Variants in FARS2 observed in about 807,000 individuals in gnomAD.
FARS2 encodes phenylalanine--tRNA ligase, mitochondrial.
FARS2 carries 40 observed loss-of-function variants against 46.4 expected under a neutral mutation model. That is an observed-to-expected ratio of 0.86 (90% CI 0.67 to 1.12). The LOEUF is 1.12. Ranked by LOEUF, FARS2 falls within the 50% of genes most tolerant of loss-of-function variation. FARS2 has a pLI of 0.00. For missense variants in FARS2, 513 were observed against 567.9 expected (o/e 0.90, Z 0.98); for synonymous variants, 234 against 214.9 (o/e 1.09, Z -0.78).
intron 4 of FARS2, among the ~76,000 whole-genome samples, chr6:5,489,632 G>T (rs962654203): frequency 2.6e-5 from 4 of 151,848 alleles, no homozygotes; most frequent in African/African-American, 9.7e-5. Flanking sequence ...TTCTCTCTAC[G>T]CACGACGCCA....
intron 6 of FARS2, among the ~76,000 whole-genome samples, chr6:5,709,158 T>C (rs2150898239): frequency 6.6e-6 from 1 of 152,284 alleles, no homozygotes; most frequent in South Asian, 2.1e-4. Flanking sequence ...CGAAGGGCTT[T>C]GTTGCTTTGG....
chr6:5,505,460 T>C (rs1317378435), intron 4 of FARS2, among the ~76,000 whole-genome samples: 2 of 152,118 alleles, frequency 1.3e-5, no homozygotes, highest in African/African-American at 4.8e-5. Context: ...GAAGAAAGAG[T>C]ACTGTCCACA....
chr6:5,561,784 G>A (rs1006008664), intron 5 of FARS2, among the ~76,000 whole-genome samples: 1 of 151,958 alleles, frequency 6.6e-6, no homozygotes. Flanking sequence ...TAGGTTTCCT[G>A]TTGTATATTG....
intron 2 of FARS2, among the ~76,000 whole-genome samples, chr6:5,402,954 A>G (rs1311448585): frequency 6.6e-6 from 1 of 152,088 alleles, no homozygotes; most frequent in Non-Finnish European, 1.5e-5. Context: ...GCTCTTGCTT[A>G]CTTCAAAGCC....
chr6:5,618,038 G>A (rs372106282), intron 6 of FARS2, among the ~76,000 whole-genome samples: 1 of 152,136 alleles, frequency 6.6e-6, no homozygotes, highest in African/African-American at 2.4e-5. Context: ...GATTTCTCTC[G>A]TAACTACTCA....
At chr6:5,277,809 A>G (rs1345660488) in intron 1 of FARS2, among the ~76,000 whole-genome samples, 2 of 152,144 alleles carry the variant, frequency 1.3e-5, no homozygotes, top group East Asian at 3.8e-4. Context: ...ATTATTCAAA[A>G]ATGTTTTGCA....
At chr6:5,649,767 G>T (rs886185388) in intron 6 of FARS2, among the ~76,000 whole-genome samples, 8 of 152,164 alleles carry the variant, frequency 5.3e-5, no homozygotes, top group Non-Finnish European at 1.0e-4. Flanking sequence ...TGTGATTCTA[G>T]AGCCCGTACT....
intron 1 of FARS2, among the ~76,000 whole-genome samples, chr6:5,342,774 A>C (rs1395545256): frequency 2.6e-5 from 4 of 152,036 alleles, no homozygotes. Context: ...AAAAAGAAAA[A>C]GAATATAAGC....
intron 6 of FARS2, among the ~76,000 whole-genome samples, chr6:5,658,946 A>G (rs777411898): frequency 6.2e-4 from 94 of 152,200 alleles, no homozygotes; most frequent in Non-Finnish European, 9.1e-4. Flanking sequence ...AGGCGCCCCA[A>G]CACGAATGTT....
chr6:5,394,244 A>T (rs139848701), intron 2 of FARS2, among the ~76,000 whole-genome samples: 72 of 152,328 alleles, frequency 4.7e-4, no homozygotes, highest in African/African-American at 1.7e-3. Flanking sequence ...AGCAGAAAAC[A>T]TTTCAGTTAA....
Position 5,369,073 on chromosome 6 carries a change from T to C in FARS2, c.503T>C (p.Leu168Pro). The C allele has an allele frequency of 6.2e-7, 1 of 1,614,050 alleles. No individual in the cohort carries two copies. ...AHQWDLLHAGLDAFLVVGDVY... is the reference protein window; with the variant it reads ...AHQWDLLHAGPDAFLVVGDVY... ...CAGTGGGACTTGCTGCACGCGGGAC[T>C]GGATGCCTTCCTGGTGGTGGGTGAT... Residue 168 changes from leucine to proline, a missense_variant, in exon 2 of 7, where the codon CTG becomes CCG. Transcript: ENST00000274680.
intron 5 of FARS2, among the ~76,000 whole-genome samples, chr6:5,566,365 A>G (rs527456154): frequency 1.3e-5 from 2 of 152,230 alleles, no homozygotes; most frequent in South Asian, 4.1e-4. Flanking sequence ...AATGCGAAGT[A>G]ATTTCTGATA....
chr6:5,640,139 G>GGTGTGTGTGTGT (rs3057207), intron 6 of FARS2, among the ~76,000 whole-genome samples: 21 of 149,786 alleles, frequency 1.4e-4, no homozygotes, highest in East Asian at 9.9e-4. Flanking sequence ...ACTTTTGTCA[G>GGTGTGTGTGTGT]GTGTGTGTGT....
chr6:5,648,978 A>T (rs1295747269), intron 6 of FARS2, among the ~76,000 whole-genome samples: 1 of 152,198 alleles, frequency 6.6e-6, no homozygotes, highest in East Asian at 1.9e-4. Context: ...CCTGTAATTT[A>T]TAATGTCTGT....
chr6:5,380,681 T>G (rs1759700145), intron 2 of FARS2, among the ~76,000 whole-genome samples: 1 of 152,206 alleles, frequency 6.6e-6, no homozygotes, highest in African/African-American at 2.4e-5. Flanking sequence ...TGTAAAAGAC[T>G]ACACTCTTGC....
chr6:5,524,660 A>G (rs1769351586), intron 4 of FARS2, among the ~76,000 whole-genome samples: 1 of 152,172 alleles, frequency 6.6e-6, no homozygotes, highest in Non-Finnish European at 1.5e-5. Flanking sequence ...GCCTTACAGT[A>G]GCTCTAGGAG....
chr6:5,446,757 G>GATGTT (rs1764208565), intron 4 of FARS2, among the ~76,000 whole-genome samples: 1 of 152,048 alleles, frequency 6.6e-6, no homozygotes, highest in African/African-American at 2.4e-5. Context: ...TATACAACAT[G>GATGTT]ATGTTATAAG....
intron 3 of FARS2, among the ~76,000 whole-genome samples, chr6:5,422,235 C>T (rs1028464561): frequency 1.3e-5 from 2 of 152,158 alleles, no homozygotes; most frequent in Non-Finnish European, 2.9e-5. Context: ...AAACCTGCCC[C>T]CATGATTCAG....
intron 6 of FARS2, among the ~76,000 whole-genome samples, chr6:5,732,660 G>T (rs1032254556): frequency 1.3e-5 from 2 of 152,210 alleles, no homozygotes; most frequent in Non-Finnish European, 2.9e-5. Context: ...GGGAGCAAGA[G>T]CCCTGATCCC....
Sources: allele counts gnomAD v4.1 joint callset (sites outside exome capture counted in the v4.1 genomes callset), GRCh38; gene constraint gnomAD v4.1.1; transcripts MANE v1.5; gene names NCBI Gene and HGNC (gene_info 2026-07-23, HGNC 2026-07-21).